DYSF: variants seen among roughly 807,000 people sequenced by gnomAD.
DYSF encodes the protein dystrophy-associated fer-1-like 1.
Under a neutral mutation model 274.9 loss-of-function variants are expected in DYSF, and 212 were observed. That is an observed-to-expected ratio of 0.77 (90% confidence interval 0.69 to 0.86). The LOEUF (loss-of-function observed/expected upper bound fraction) is 0.86. DYSF is among the 40% of genes least tolerant of loss of function. The pLI is 0.00. For synonymous variants in DYSF, 1,091 were observed against 1,078.7 expected, an observed-to-expected ratio of 1.01 and a Z score of -0.22; for missense variants, 2,666 against 2,783.2, an observed-to-expected ratio of 0.96 and a Z score of 0.95.
chr2:71,683,114 AG>A (rs1373519780), intron 55 of DYSF, among the ~76,000 whole-genome samples: 1 of 152,194 alleles, frequency 6.6e-6, no homozygotes, highest in African/African-American at 2.4e-5. Flanking sequence ...ATCCAGAGGA[AG>A]GGAGGAGCTG....
intron 1 of DYSF, among the ~76,000 whole-genome samples, chr2:71,457,876 G>T (rs762166611): frequency 6.6e-6 from 1 of 152,164 alleles, no homozygotes; most frequent in Non-Finnish European, 1.5e-5. Flanking sequence ...CAGGTGCTCC[G>T]GGACTTCCAG....
At chr2:71,508,446 T>C (rs1450776841) in intron 4 of DYSF, among the ~76,000 whole-genome samples, 1 of 152,264 alleles carries the variant, frequency 6.6e-6, no homozygotes, top group Non-Finnish European at 1.5e-5. Flanking sequence ...CCTAGTTGTT[T>C]TGTTTCTTCA....
chr2:71,541,384 A>G (rs2089911637), intron 17 of DYSF, among the ~76,000 whole-genome samples: 1 of 152,184 alleles, frequency 6.6e-6, no homozygotes, highest in South Asian at 2.1e-4. Context: ...TTCCTAGAAA[A>G]GCATCCATTA....
intron 17 of DYSF, among the ~76,000 whole-genome samples, chr2:71,543,553 GCACTC>G (rs1197453108): frequency 6.6e-6 from 1 of 152,226 alleles, no homozygotes; most frequent in African/African-American, 2.4e-5. Flanking sequence ...TCAAGCCACT[GCACTC>G]CAGCCTGGGC....
chr2:71,513,507 C>T (rs539615415), intron 6 of DYSF, among the ~76,000 whole-genome samples, 175 bp downstream of exon 6: 1 of 152,352 alleles, frequency 6.6e-6, no homozygotes, highest in African/African-American at 2.4e-5. Context: ...ACTGGACTGA[C>T]TGCCCTCAAG....
intron 41 of DYSF, among the ~76,000 whole-genome samples, chr2:71,622,126 C>CTTTGTTTTTTTT (rs2094117579): frequency 1.3e-4 from 5 of 38,764 alleles, no homozygotes; most frequent in Non-Finnish European, 2.1e-4. Flanking sequence ...CAGATGATTT[C>CTTTGTTTTTTTT]TTTGTTTTTT....
chr2:71,646,257 G>T (rs964167728), intron 42 of DYSF, among the ~76,000 whole-genome samples: 1 of 152,238 alleles, frequency 6.6e-6, no homozygotes, highest in Non-Finnish European at 1.5e-5. Context: ...CTGTGGCCTT[G>T]CCAAAAAGTC....
In DYSF at chr2:71,582,106, C is replaced by CAAAAAAA. The variant is rs1159294834; in HGVS notation, c.3403-7466_3403-7460dup. On this transcript the variant is annotated intron_variant, in intron 30 of 55. Transcript: ENST00000410020. ...TGGGAGACAGAAGGAGACTCCGTCT[C>CAAAAAAA]AAAAAAAAAAAAAAAAAAAAAAAAA... Among the ~76,000 whole-genome samples, 227 of 35,072 alleles carry CAAAAAAA rather than the reference C, an allele frequency of 6.5e-3. 18 individuals carry two copies. The highest frequency in any genetic ancestry group is 0.018 in the East Asian group (22 of 1,192). 23.0% of individuals were successfully genotyped at this position (35,072 alleles called of 152,430 possible). A position where few individuals can be genotyped will look rare whatever the true frequency, so the allele number is the denominator to read the frequency against.
In DYSF at chr2:71,564,167, A is replaced by G. The variant is rs1411430887; in HGVS notation, c.2519A>G (p.Asn840Ser). 2 of 1,614,140 alleles carry G rather than the reference A, an allele frequency of 1.2e-6. No homozygotes were observed. Among genetic ancestry groups the G allele is most frequent in the Middle Eastern group, 1.6e-4 (1 of 6,084 alleles). The change falls in exon 24 of 56, where the codon AAC (asparagine) becomes AGC (serine). Residue 840 changes from asparagine to serine, a missense_variant. Around this residue, in one of 3 missense-constraint regions of DYSF, gnomAD observed 412 missense variants for 504.0 expected, o/e 0.82. Coordinates refer to ENST00000410020, the MANE Select transcript of DYSF (RefSeq NM_001130987.2). ...HQVLFSRRGA[N>S]YCGKNCGKLQ... ...GTCCTCTTCTCCCGGCGGGGTGCCA[A>G]CTACTGTGGCAAGAATTGTGGGAAG...
chr2:71,605,107 T>G (rs1036246612), intron 36 of DYSF, among the ~76,000 whole-genome samples: 7 of 152,156 alleles, frequency 4.6e-5, no homozygotes, highest in African/African-American at 1.7e-4. Flanking sequence ...GGGAAGGGTT[T>G]CCTTTTCGCT....
chr2:71,538,953 G>A (rs1339919370), intron 16 of DYSF, among the ~76,000 whole-genome samples: 1 of 152,172 alleles, frequency 6.6e-6, no homozygotes, highest in African/African-American at 2.4e-5. Context: ...TTCCCTCTCA[G>A]AGAGTCTTGG....
In DYSF at chr2:71,538,180, G is replaced by A. The variant is rs141436323; in HGVS notation, c.1494-977G>A. ...ATTGTAGTACCTACCTGGTAGTGCC[G>A]ATGTGAGAATGAGTGAGTTAAGTCA... On this transcript the variant is annotated intron_variant, in intron 16 of 55. Coordinates refer to ENST00000410020, the MANE Select transcript of DYSF (RefSeq NM_001130987.2). Among the ~76,000 whole-genome samples, 44 of 152,314 alleles carry A rather than the reference G, an allele frequency of 2.9e-4. 1 individual carries two copies. The East Asian group carries it at 7.5e-3, about 26-fold the overall frequency.
intron 30 of DYSF, among the ~76,000 whole-genome samples, chr2:71,581,402 C>A (rs1198759451): frequency 6.6e-6 from 1 of 152,194 alleles, no homozygotes. Flanking sequence ...TTGCAATCAG[C>A]CCTGATTAGA....
chr2:71,546,401 C>T (rs2090478408), intron 17 of DYSF, among the ~76,000 whole-genome samples: 2 of 152,252 alleles, frequency 1.3e-5, no homozygotes, highest in South Asian at 2.1e-4. Context: ...TTTGGTTCAA[C>T]TAGCAGTTTT....
chr2:71,542,679 C>T (rs935561711), intron 17 of DYSF, among the ~76,000 whole-genome samples: 5 of 152,218 alleles, frequency 3.3e-5, no homozygotes, highest in Non-Finnish European at 5.9e-5. Flanking sequence ...TCAGAGAGCA[C>T]CGGGTTGGGG....
chr2:71,508,875 C>T (rs147490618), intron 4 of DYSF, among the ~76,000 whole-genome samples: 161 of 152,218 alleles, frequency 1.1e-3, no homozygotes, highest in Non-Finnish European at 9.3e-4. Context: ...TTTTTTGAGA[C>T]GGTATGTCAC....
At chr2:71,672,128 CAG>C (rs1245805100) in intron 51 of DYSF, among the ~76,000 whole-genome samples, 1 of 151,908 alleles carries the variant, frequency 6.6e-6, no homozygotes, top group African/African-American at 2.4e-5. Flanking sequence ...GAAACAGAAA[CAG>C]AGGCCACGTG....
chr2:71,621,660 A>G (rs1261396358), intron 41 of DYSF, among the ~76,000 whole-genome samples: 2 of 150,820 alleles, frequency 1.3e-5, no homozygotes, highest in East Asian at 3.9e-4. Flanking sequence ...TGTTATGTAT[A>G]TTATATATAT....
At chr2:71,601,673 C>A in intron 35 of DYSF, 145 bp downstream of exon 35, 2 of 1,110,492 alleles carry the variant, frequency 1.8e-6, no homozygotes, top group Non-Finnish European at 2.7e-6. Flanking sequence ...AGAGGAGGGC[C>A]CGGGCTGGAG....
Sources: gnomAD v4.1 joint callset for allele counts (sites outside exome capture counted in the v4.1 genomes callset) on GRCh38, gnomAD v4.1.1 for gene constraint, gnomAD v4.1.1 regional missense constraint, MANE v1.5 for transcripts, NCBI Gene and HGNC (gene_info 2026-07-23, HGNC 2026-07-21) for gene names.